Variants in ZKSCAN5 observed in about 807,000 individuals in gnomAD.
The protein encoded by ZKSCAN5 is zinc finger protein with KRAB and SCAN domains 5.
ZKSCAN5 carries 28 observed loss-of-function variants against 60.0 expected under a neutral mutation model. The observed-to-expected ratio is 0.47, with a 90% CI of 0.35 to 0.64. ZKSCAN5 has a LOEUF of 0.64. ZKSCAN5 is among the 30% of genes least tolerant of loss of function. ZKSCAN5 has a pLI of 0.01. For synonymous variants in ZKSCAN5, 361 were observed against 371.2 expected (o/e 0.97, Z 0.31); for missense variants, 881 against 1,034.6 (o/e 0.85, Z 2.04).
rs1459391807 is a variant in ZKSCAN5 at position 99,506,331 on chromosome 7, A to G, written c.287A>G (p.Glu96Gly). ...KEQILELLVL[E>G]QFLTILPEEF... The stretch of plus-strand genomic sequence containing the variant: ...CAGATCCTGGAGCTGCTGGTGCTGG[A>G]GCAGTTCCTGACCATCCTGCCTGAA... Residue 96 changes from glutamate (E) to glycine (G), a missense_variant, in exon 2 of 7, where the codon GAG becomes GGG. Physicochemically the swap from Glu to Gly is moderately conservative, Grantham distance 98. Coordinates refer to ENST00000326775, the MANE Select transcript of ZKSCAN5 (RefSeq NM_145102.4). 7 of 1,614,056 alleles carry G rather than the reference A, an allele frequency of 4.3e-6. No individual in the cohort carries two copies. Among genetic ancestry groups the G allele is most frequent in the Non-Finnish European group, 5.9e-6 (7 of 1,180,042 alleles).
rs1378490450 is a variant in ZKSCAN5, at chr7:99,526,005, C to T, written c.965C>T (p.Pro322Leu). The T allele has an allele frequency of 6.2e-7, 1 of 1,614,042 alleles. No homozygotes were observed. The highest frequency in any genetic ancestry group is 8.5e-7 in the Non-Finnish European group (1 of 1,180,044). ...ACTGTGGGGAAATCAAGGCAGAATC[C>T]TTCCCAGAAAAGGGATCTGGATGCA... ...NPTVGKSRQN[P>L]SQKRDLDAIT... The change falls in exon 6 of 7, where the codon CCT becomes CTT. Residue 322 changes from proline to leucine, a missense_variant. Around this residue, in one of 5 missense-constraint regions of ZKSCAN5, gnomAD observed 490 missense variants for 554.5 expected, o/e 0.88. Transcript: ENST00000326775.
In ZKSCAN5 at chr7:99,506,233, A is replaced by G. The variant is rs548519408; in HGVS notation, c.189A>G (p.Gly63=). Residue 63 remains glycine, a synonymous_variant, in exon 2 of 7, where the codon GGA becomes GGG. Coordinates refer to ENST00000326775, the MANE Select transcript of ZKSCAN5 (RefSeq NM_145102.4). ...ACTTCCAGTACCATGAGGCTTCAGGACCCCGGGAGGCTCTCAGCCAACTCC... is the reference window on the plus strand; with the variant it reads ...ACTTCCAGTACCATGAGGCTTCAGGGCCCCGGGAGGCTCTCAGCCAACTCC... ...FRHFQYHEAS[G]PREALSQLRV... is the part of the protein sequence containing the mutation. 1 of 1,614,102 alleles carries G rather than the reference A, an allele frequency of 6.2e-7. No individual in the cohort carries two copies. The highest frequency in any genetic ancestry group is 2.2e-5 in the East Asian group (1 of 44,886).
intron 5 of ZKSCAN5, 38 bp downstream of exon 5, chr7:99,520,342 T>C: frequency 1.3e-6 from 2 of 1,566,846 alleles, no homozygotes; most frequent in Non-Finnish European, 1.7e-6. Context: ...AGGACATGTT[T>C]ATTTTGTTAT....
In ZKSCAN5 at chr7:99,533,333, CAT is replaced by C. The variant is rs575907419; in HGVS notation, c.*1085_*1086del. 38 of 643,304 alleles carry C rather than the reference CAT, an allele frequency of 5.9e-5. No homozygotes were observed. Among genetic ancestry groups the C allele is most frequent in the South Asian group, 3.2e-4 (19 of 58,642 alleles). The allele number at this position is 643,304 out of a possible 1,614,324, so 39.8% of individuals were successfully genotyped here. On this transcript the variant is annotated 3_prime_UTR_variant, in exon 7 of 7. Transcript: ENST00000326775. ...GAGTTTTGAGTGGGAAAGAGGATGA[CAT>C]GTGTGAGAGAGTTCTGAGCCTGTTT...
intron 3 of ZKSCAN5, 146 bp downstream of exon 3, chr7:99,512,737 C>A: frequency 1.1e-5 from 11 of 986,216 alleles, no homozygotes; most frequent in Non-Finnish European, 1.3e-5. Flanking sequence ...AGGCCAGGGA[C>A]CTGGAGTTGA....
chr7:99,529,684 A>G (rs181762399), intron 6 of ZKSCAN5, among the ~76,000 whole-genome samples: 61 of 152,298 alleles, frequency 4.0e-4, no homozygotes, highest in African/African-American at 1.3e-3. Flanking sequence ...CTCACCAGCA[A>G]TGTATAAGCG....
intron 2 of ZKSCAN5, among the ~76,000 whole-genome samples, chr7:99,507,593 GTGTATATATATA>G (rs1800828243): frequency 6.8e-6 from 1 of 147,898 alleles, no homozygotes; most frequent in African/African-American, 2.6e-5. Context: ...TTATGTGTGT[GTGTATATATATA>G]TGTATATATA....
intron 6 of ZKSCAN5, 52 bp from the exon 7 acceptor site, chr7:99,531,056 C>CA (rs112083284): frequency 0.051 from 53,265 of 1,052,156 alleles, 12 homozygotes; most frequent in Non-Finnish European, 0.055. Flanking sequence ...GACCCCATCT[C>CA]AAAAAAAAAA....
At position 99,506,454 on chromosome 7, in the gene ZKSCAN5, A is replaced by T; in HGVS notation, c.410A>T (p.Gln137Leu). 1 of 1,608,460 alleles carries T rather than the reference A, an allele frequency of 6.2e-7. No homozygotes were observed. The highest frequency in any genetic ancestry group is 8.5e-7 in the Non-Finnish European group (1 of 1,176,198). The change falls in exon 2 of 7, where the codon CAG becomes CTG. Residue 137 changes from glutamine (Q) to leucine (L), a missense_variant. By Grantham distance (113) the Gln-to-Leu change is moderately radical. Around this residue, in one of 5 missense-constraint regions of ZKSCAN5, gnomAD observed 490 missense variants for 554.5 expected, o/e 0.88. Transcript: ENST00000326775. ...NIQRELEERR[Q>L]QIVACPDVLP... ...CAGCGAGAACTTGAGGAACGCAGAC[A>T]GCAGGTGAGTCAAAGAGAAGCTATA...
chr7:99,508,524 C>T (rs1325951895), intron 2 of ZKSCAN5, among the ~76,000 whole-genome samples: 1 of 151,816 alleles, frequency 6.6e-6, no homozygotes, highest in Non-Finnish European at 1.5e-5. Context: ...GAGGCTGAGG[C>T]GGGTGGATCA....
chr7:99,521,614 C>CA (rs200112749), intron 5 of ZKSCAN5, among the ~76,000 whole-genome samples: 1,949 of 152,184 alleles, frequency 0.013, 38 homozygotes, highest in African/African-American at 0.044. Context: ...TTTAAATTTT[C>CA]AATTTTTAAT....
chr7:99,507,634 T>C (rs936291330), intron 2 of ZKSCAN5, among the ~76,000 whole-genome samples: 1 of 151,312 alleles, frequency 6.6e-6, no homozygotes, highest in African/African-American at 2.4e-5. Flanking sequence ...GCGCAGTGGC[T>C]CACACCTGTA....
At position 99,518,963 on chromosome 7, in the gene ZKSCAN5, C is replaced by CACGCCCA. The variant is rs1801392391; in HGVS notation, c.554-864_554-863insACGCCCA. On this transcript the variant is annotated intron_variant, in intron 3 of 6. Coordinates refer to ENST00000326775, the MANE Select transcript of ZKSCAN5 (RefSeq NM_145102.4). The stretch of plus-strand genomic sequence containing the variant: ...TGCTAGGATTACAGGCGTGAGCCAC[C>CACGCCCA]GTACCTGGCCCCCACCTTTTTTTTT... Among the ~76,000 whole-genome samples, 83 of 144,118 alleles carry CACGCCCA rather than the reference C, an allele frequency of 5.8e-4. No homozygotes were observed. The Middle Eastern group carries it at 0.012, about 20-fold the overall frequency. 94.5% of individuals were successfully genotyped at this position (144,118 alleles called of 152,430 possible).
intron 3 of ZKSCAN5, among the ~76,000 whole-genome samples, chr7:99,515,651 T>C (rs977232448): frequency 3.2e-4 from 48 of 152,016 alleles, no homozygotes; most frequent in African/African-American, 1.1e-3. Flanking sequence ...CTGGCCAACA[T>C]GGTGAAACCC....
chr7:99,509,323 C>T (rs1800910396), intron 2 of ZKSCAN5, among the ~76,000 whole-genome samples: 1 of 152,094 alleles, frequency 6.6e-6, no homozygotes, highest in African/African-American at 2.4e-5. Flanking sequence ...GGTGTTTCAC[C>T]ATGTTGGCCA....
At chr7:99,507,491 GTATATATGTGTA>G (rs1298180180) in intron 2 of ZKSCAN5, among the ~76,000 whole-genome samples, 10 of 142,648 alleles carry the variant, frequency 7.0e-5, no homozygotes, top group South Asian at 2.3e-4. Flanking sequence ...GTGTATATAT[GTATATATGTGTA>G]TATATATGTG....
intron 6 of ZKSCAN5, 31 bp from the exon 7 acceptor site, chr7:99,531,077 G>T: frequency 6.5e-7 from 1 of 1,526,830 alleles, no homozygotes. Context: ...AAGAACTGAT[G>T]ACATTTTCAC....
intron 6 of ZKSCAN5, 100 bp downstream of exon 6, chr7:99,526,518 G>C (rs1203834506): frequency 1.3e-6 from 2 of 1,497,600 alleles, no homozygotes; most frequent in South Asian, 1.3e-5. Context: ...GTGATACTGG[G>C]GGGGGTAGGA....
Position 99,531,920 on chromosome 7 carries a change from G to A in ZKSCAN5, c.2191G>A (p.Asp731Asn). The change falls in exon 7 of 7, where the codon GAC (aspartate) becomes AAC (asparagine). Residue 731 changes from aspartate to asparagine, a missense_variant. Physicochemically the swap from Asp to Asn is conservative, Grantham distance 23. Around this residue, in one of 5 missense-constraint regions of ZKSCAN5, gnomAD observed 138 missense variants for 143.8 expected, o/e 0.96. Transcript: ENST00000326775. Reference sequence around the variant, plus strand: ...TGGAAAAGCCTTTGGTTATAGCTCAGACCTCATTCAGCATTACAGAACTCA... The same window carrying A: ...TGGAAAAGCCTTTGGTTATAGCTCAAACCTCATTCAGCATTACAGAACTCA... ...ICGKAFGYSS[D>N]LIQHYRTHTA... The A allele has an allele frequency of 2.5e-6, 4 of 1,614,170 alleles. No homozygotes were observed. The highest frequency in any genetic ancestry group is 3.4e-6 in the Non-Finnish European group (4 of 1,180,042).
Sources: gnomAD v4.1 joint callset for allele counts (sites outside exome capture counted in the v4.1 genomes callset) on GRCh38, gnomAD v4.1.1 for gene constraint, gnomAD v4.1.1 regional missense constraint, MANE v1.5 for transcripts, NCBI Gene and HGNC (gene_info 2026-07-23, HGNC 2026-07-21) for gene names.